Variants in GRAMD1B observed in about 807,000 individuals in gnomAD.
The protein encoded by GRAMD1B is protein Aster-B.
A neutral mutation model predicts 99.7 loss-of-function variants in GRAMD1B; 37 were observed. The observed-to-expected ratio is 0.37, with a 90% CI of 0.29 to 0.49. The LOEUF (loss-of-function observed/expected upper bound fraction) is 0.49, where lower values mean the gene tolerates loss of function less well. GRAMD1B is among the 20% of genes least tolerant of loss of function. GRAMD1B has a pLI of 0.98. For synonymous variants in GRAMD1B, 427 were observed against 387.6 expected, an observed-to-expected ratio of 1.10 and a Z score of -1.19; for missense variants, 888 against 1,009.2, an observed-to-expected ratio of 0.88 and a Z score of 1.63.
In GRAMD1B at chr11:123,553,893, T is replaced by C. The variant is rs1256582981; in HGVS notation, c.453-23474T>C. Among the ~76,000 whole-genome samples the C allele has an allele frequency of 9.2e-5, 14 of 152,146 alleles. No homozygotes were observed. The South Asian group carries it at 2.7e-3, about 29-fold the overall frequency. ...ACTCGTTTATAATTCAAGGACTGAG[T>C]TAGAAGATCTTTAATGACCCCTCCC... On this transcript the variant is annotated intron_variant, in intron 2 of 19. Coordinates refer to ENST00000635736, the MANE Select transcript of GRAMD1B (RefSeq NM_001387025.1).
At chr11:123,600,655 T>C in intron 8 of GRAMD1B, 107 bp downstream of exon 8, 1 of 692,066 alleles carries the variant, frequency 1.4e-6, no homozygotes, top group Non-Finnish European at 2.5e-6. Context: ...CTCCCACTGA[T>C]GGTATTGGCC....
At chr11:123,515,113 T>C (rs1429089922) in intron 2 of GRAMD1B, among the ~76,000 whole-genome samples, 1 of 152,152 alleles carries the variant, frequency 6.6e-6, no homozygotes, top group African/African-American at 2.4e-5. Context: ...AGTTCCTAAT[T>C]AAATGGGAGA....
chr11:123,541,074 A>G (rs1437003858), intron 2 of GRAMD1B, among the ~76,000 whole-genome samples: 1 of 152,104 alleles, frequency 6.6e-6, no homozygotes, highest in East Asian at 1.9e-4. Flanking sequence ...CCCGGGTTCA[A>G]GGAGTTCTCC....
intron 2 of GRAMD1B, among the ~76,000 whole-genome samples, chr11:123,494,017 A>T (rs1464945904): frequency 6.6e-6 from 1 of 152,200 alleles, no homozygotes; most frequent in African/African-American, 2.4e-5. Context: ...TAATCACATT[A>T]TAATTGTATT....
chr11:123,521,745 AT>A (rs1299217412), intron 2 of GRAMD1B, among the ~76,000 whole-genome samples: 4 of 152,166 alleles, frequency 2.6e-5, no homozygotes, highest in Non-Finnish European at 5.9e-5. Flanking sequence ...TTTCAAGTTT[AT>A]CCTTACAGTG....
At chr11:123,462,890 T>TAAAAAAAAAAAAAAAAAAAAAA (rs55643501) in intron 1 of GRAMD1B, among the ~76,000 whole-genome samples, 6 of 123,080 alleles carry the variant, frequency 4.9e-5, no homozygotes, top group African/African-American at 1.3e-4. Flanking sequence ...AAAAAATAAA[T>TAAAAAAAAAAAAAAAAAAAAAA]TAAAAAAAAA....
Position 123,430,916 on chromosome 11 carries a change from C to A in GRAMD1B, c.124C>A (p.Arg42Ser). 1 of 702,740 alleles carries A rather than the reference C, an allele frequency of 1.4e-6. No individual in the cohort carries two copies. Among genetic ancestry groups the A allele is most frequent in the South Asian group, 1.5e-5 (1 of 67,598 alleles). The allele number at this position is 702,740 out of a possible 1,614,324, so 43.5% of individuals were successfully genotyped here. A position where few individuals can be genotyped will look rare whatever the true frequency, so the allele number is the denominator to read the frequency against. The change falls in exon 1 of 20, where the codon CGC (arginine) becomes AGC (serine). Residue 42 changes from arginine (R) to serine (S), a missense_variant. This residue lies in a region of GRAMD1B where 233 missense variants were observed against 154.6 expected (regional missense o/e 1.51). Coordinates refer to ENST00000635736, the MANE Select transcript of GRAMD1B (RefSeq NM_001387025.1). ...GTCGACCCCCACGCTTCGCCGCCGG[C>A]GCTTCAAGATGCGCCGCATGAAGAA... ...SSSTPTLRRR[R>S]FKMRRMKNVQ...
At chr11:123,592,175 A>G (rs1950736308) in intron 4 of GRAMD1B, among the ~76,000 whole-genome samples, 1 of 152,176 alleles carries the variant, frequency 6.6e-6, no homozygotes, top group Non-Finnish European at 1.5e-5. Context: ...CTCTGTAAGT[A>G]TGAAGACCTA....
chr11:123,529,692 G>A (rs540107859), intron 2 of GRAMD1B, among the ~76,000 whole-genome samples: 7 of 152,162 alleles, frequency 4.6e-5, no homozygotes, highest in Non-Finnish European at 1.0e-4. Flanking sequence ...CCAATCTTCC[G>A]CAGCTTCTAC....
intron 1 of GRAMD1B, among the ~76,000 whole-genome samples, chr11:123,433,067 T>C (rs1948975167): frequency 6.6e-6 from 1 of 152,032 alleles, no homozygotes; most frequent in African/African-American, 2.4e-5. Flanking sequence ...TAAAGTAGTT[T>C]GTCAGGCCAG....
chr11:123,449,725 T>G (rs1236685774), intron 1 of GRAMD1B, among the ~76,000 whole-genome samples: 1 of 147,332 alleles, frequency 6.8e-6, no homozygotes, highest in Non-Finnish European at 1.5e-5. Flanking sequence ...TTTTTTTTTT[T>G]TTTTTTGAGA....
intron 2 of GRAMD1B, among the ~76,000 whole-genome samples, chr11:123,564,390 A>C (rs895895672): frequency 1.3e-5 from 2 of 152,208 alleles, no homozygotes. Context: ...CATGGGGGTT[A>C]GACAGCATCC....
intron 2 of GRAMD1B, among the ~76,000 whole-genome samples, chr11:123,496,437 G>A (rs1939272246): frequency 6.6e-6 from 1 of 151,966 alleles, no homozygotes. Context: ...GCCTAAGCTA[G>A]TCTTCTTTGG....
Position 123,461,460 on chromosome 11 carries a change from G to A in GRAMD1B, c.375-19356G>A, listed in dbSNP as rs78234081. Among the ~76,000 whole-genome samples, 972 of 152,320 alleles carry A rather than the reference G, an allele frequency of 6.4e-3. 13 individuals carry two copies. Among genetic ancestry groups the A allele is most frequent in the African/African-American group, 0.022 (932 of 41,570 alleles). On this transcript the variant is annotated intron_variant, in intron 1 of 19. Transcript: ENST00000635736. ...CTCCCCCTTGGGCTGCAGGCCAAAC[G>A]TCACTGGCCTCCTAGAAGTCTCTCC...
chr11:123,462,900 A>AT (rs1565519557), intron 1 of GRAMD1B, among the ~76,000 whole-genome samples: 100 of 149,618 alleles, frequency 6.7e-4, no homozygotes, highest in African/African-American at 2.3e-3. Flanking sequence ...TTAAAAAAAA[A>AT]AAAAAAAAAA....
At chr11:123,509,746 G>A (rs1032485048) in intron 2 of GRAMD1B, among the ~76,000 whole-genome samples, 13 of 152,260 alleles carry the variant, frequency 8.5e-5, no homozygotes, top group African/African-American at 3.1e-4. Context: ...CTTATCCCAG[G>A]TTGACCGAGT....
intron 1 of GRAMD1B, among the ~76,000 whole-genome samples, chr11:123,406,102 C>T: frequency 6.6e-6 from 1 of 151,536 alleles, no homozygotes; most frequent in East Asian, 1.9e-4. Context: ...GCAACCTCTG[C>T]CTCCCGGGTT....
chr11:123,420,628 C>T (rs569888744), intron 1 of GRAMD1B, among the ~76,000 whole-genome samples: 5 of 152,256 alleles, frequency 3.3e-5, no homozygotes, highest in African/African-American at 1.2e-4. Context: ...TGCTGAATTG[C>T]AACTCCAAAT....
chr11:123,475,002 G>C (rs1220254937), intron 1 of GRAMD1B, among the ~76,000 whole-genome samples: 1 of 152,152 alleles, frequency 6.6e-6, no homozygotes, highest in African/African-American at 2.4e-5. Context: ...GACTCCTGTA[G>C]GGTTGCCTGG....
Sources: allele counts gnomAD v4.1 joint callset (sites outside exome capture counted in the v4.1 genomes callset), GRCh38; gene constraint gnomAD v4.1.1; regional missense constraint gnomAD v4.1.1; transcripts MANE v1.5; gene names NCBI Gene and HGNC (gene_info 2026-07-23, HGNC 2026-07-21).